The following PSMG2 variants were observed in gnomAD, a reference collection of about 807,000 sequenced individuals.
PSMG2 encodes CD40 ligand-activated specific transcript 3.
A neutral mutation model predicts 31.5 loss-of-function variants in PSMG2; 21 were observed. The ratio of observed to expected loss-of-function variants is 0.67; its 90% CI spans 0.47 to 0.96. The LOEUF (loss-of-function observed/expected upper bound fraction) is 0.96, where lower values mean the gene tolerates loss of function less well. Among genes scored for constraint, PSMG2 ranks in the 40% least tolerant of loss-of-function variants. The probability of loss-of-function intolerance (pLI) is 0.00; values close to 1 mark genes in which losing one functional copy is unlikely to be tolerated. For synonymous variants in PSMG2, 120 were observed against 110.4 expected, an observed-to-expected ratio of 1.09 and a Z score of -0.54; for missense variants, 318 against 321.2, an observed-to-expected ratio of 0.99 and a Z score of 0.08.
chr18:12,712,327 G>A (rs1380799553), intron 2 of PSMG2, among the ~76,000 whole-genome samples: 3 of 141,528 alleles, frequency 2.1e-5, no homozygotes, highest in African/African-American at 7.3e-5. Flanking sequence ...GTTCTCTGGA[G>A]ACAAAGAGGG....
intron 1 of PSMG2, among the ~76,000 whole-genome samples, chr18:12,680,103 C>G (rs567401239): frequency 6.6e-6 from 1 of 150,616 alleles, no homozygotes; most frequent in Admixed American, 6.6e-5. Flanking sequence ...TCATACAAAA[C>G]TAGTAAACAT....
intron 4 of PSMG2, among the ~76,000 whole-genome samples, chr18:12,719,850 A>G (rs572346289): frequency 1.3e-5 from 2 of 150,920 alleles, no homozygotes; most frequent in East Asian, 2.0e-4. Flanking sequence ...CAGCCTCCCG[A>G]GTACTTGGGA....
chr18:12,678,272 T>C (rs1456066089), intron 1 of PSMG2: 3 of 1,613,996 alleles, frequency 1.9e-6, no homozygotes, highest in Non-Finnish European at 2.5e-6. Flanking sequence ...GGGTTTCCAT[T>C]TGGATTCATC....
intron 1 of PSMG2, chr18:12,673,195 A>C: frequency 7.7e-7 from 1 of 1,305,616 alleles, no homozygotes; most frequent in African/African-American, 1.5e-5. Context: ...TAATTTTTAA[A>C]GGAATGCATG....
intron 1 of PSMG2, among the ~76,000 whole-genome samples, chr18:12,687,695 C>T (rs1036357648): frequency 7.9e-5 from 12 of 151,564 alleles, no homozygotes; most frequent in South Asian, 2.1e-4. Context: ...TCAAGTGATC[C>T]GCCCACCTCG....
At chr18:12,678,545 G>A (rs1362085665) in intron 1 of PSMG2, 6 of 700,862 alleles carry the variant, frequency 8.6e-6, no homozygotes, top group Non-Finnish European at 9.3e-6. Flanking sequence ...CTACTTCTCA[G>A]AACTACAGTT....
At chr18:12,696,275 C>T (rs1388952199) in intron 1 of PSMG2, among the ~76,000 whole-genome samples, 1 of 152,134 alleles carries the variant, frequency 6.6e-6, no homozygotes, top group Non-Finnish European at 1.5e-5. Context: ...GAGGCCGAGG[C>T]GGGCAGATCA....
chr18:12,708,700 CTTTTTTT>C (rs71371298), intron 2 of PSMG2, among the ~76,000 whole-genome samples: 1 of 88,728 alleles, frequency 1.1e-5, no homozygotes, highest in Non-Finnish European at 2.2e-5. Flanking sequence ...TTACAACGTT[CTTTTTTT>C]TTTTTTTTTT....
intron 1 of PSMG2, 116 bp downstream of exon 1, chr18:12,703,280 A>C: frequency 8.4e-7 from 1 of 1,197,130 alleles, no homozygotes; most frequent in Non-Finnish European, 1.1e-6. Context: ...TTTCTATTTC[A>C]TGTTTTCGGC....
intron 1 of PSMG2, chr18:12,674,548 G>A: frequency 6.2e-7 from 1 of 1,611,552 alleles, no homozygotes; most frequent in Admixed American, 1.7e-5. Flanking sequence ...AAGACATGTG[G>A]CAAATGCACG....
chr18:12,660,676 A>AT (rs1175303457), intron 1 of PSMG2, among the ~76,000 whole-genome samples: 2 of 151,912 alleles, frequency 1.3e-5, no homozygotes, highest in Admixed American at 6.6e-5. Context: ...TTGAGTGATG[A>AT]TTTTTTTTAA....
chr18:12,675,039 T>C (rs1168319649), intron 1 of PSMG2, among the ~76,000 whole-genome samples: 1 of 152,150 alleles, frequency 6.6e-6, no homozygotes, highest in Non-Finnish European at 1.5e-5. Context: ...CAAAATACTA[T>C]ATGAAATAGT....
intron 1 of PSMG2, among the ~76,000 whole-genome samples, chr18:12,667,587 C>T (rs1270145759): frequency 1.3e-5 from 2 of 151,270 alleles, no homozygotes; most frequent in Non-Finnish European, 1.5e-5. Context: ...TGGTGAAACC[C>T]CCGTCTCTAG....
rs902028395 is a variant in PSMG2 at position 12,680,611 on chromosome 18, A to C, written c.-37+21838A>C. 73 of 1,403,630 alleles carry C rather than the reference A, an allele frequency of 5.2e-5. No individual in the cohort carries two copies. In the African/African-American group the frequency reaches 7.7e-4, roughly 15 times the overall value. 86.9% of individuals were successfully genotyped at this position (1,403,630 alleles called of 1,614,324 possible). ...GACTCCATCTCAAAAAAAAAAAAAA[A>C]AAAAAACTTATAACTTCATTTTAAT... On this transcript the variant is annotated intron_variant, in intron 1 of 6. Coordinates refer to the PSMG2 transcript ENST00000585331.
At chr18:12,702,901 G>A, upstream of PSMG2, 1 of 597,540 alleles carries the variant, frequency 1.7e-6, no homozygotes, top group Non-Finnish European at 2.8e-6. Context: ...CGAAAGCGCT[G>A]CTGGCCCCTC....
rs919389028 is a variant in PSMG2 at position 12,674,428 on chromosome 18, C to T, written c.-37+15655C>T. 12 of 765,610 alleles carry T rather than the reference C, an allele frequency of 1.6e-5. No homozygotes were observed. In the African/African-American group the frequency reaches 1.9e-4, roughly 12 times the overall value. The allele number at this position is 765,610 out of a possible 1,614,324, so 47.4% of individuals were successfully genotyped here. On this transcript the variant is annotated intron_variant, in intron 1 of 6. Transcript: ENST00000585331. ...CTGTACTCCAGCATGGGCAGCAGAGCAAGACCTTGAGTTAAAAAAAAAAAA... is the reference window on the plus strand; with the variant it reads ...CTGTACTCCAGCATGGGCAGCAGAGTAAGACCTTGAGTTAAAAAAAAAAAA...
chr18:12,715,648 G>C (rs2040369455), intron 3 of PSMG2, among the ~76,000 whole-genome samples: 1 of 152,036 alleles, frequency 6.6e-6, no homozygotes, highest in South Asian at 2.1e-4. Context: ...TGGGATTACA[G>C]GTGCCCGCCA....
intron 1 of PSMG2, among the ~76,000 whole-genome samples, chr18:12,695,852 C>CCACACA (rs375916938): frequency 0.014 from 2,084 of 148,362 alleles, 21 homozygotes; most frequent in East Asian, 0.036. Flanking sequence ...CATTCCTTCT[C>CCACACA]CACACACACA....
chr18:12,673,160 G>A, intron 1 of PSMG2: 1 of 1,201,398 alleles, frequency 8.3e-7, no homozygotes, highest in Non-Finnish European at 1.0e-6. Context: ...AAATTCCAGG[G>A]AGATTTATAC....
Sources: allele counts gnomAD v4.1 joint callset (sites outside exome capture counted in the v4.1 genomes callset), GRCh38; gene constraint gnomAD v4.1.1; transcripts MANE v1.5; gene names NCBI Gene and HGNC (gene_info 2026-07-23, HGNC 2026-07-21).